The following CNBD1 variants were observed in gnomAD, a reference collection of about 807,000 sequenced individuals.
CNBD1 encodes the protein cyclic nucleotide binding domain containing 1.
CNBD1 carries 71 observed loss-of-function variants against 54.4 expected under a neutral mutation model. The ratio of observed to expected loss-of-function variants is 1.30; its 90% CI spans 1.08 to 1.59. The LOEUF (loss-of-function observed/expected upper bound fraction) is 1.59, where lower values mean the gene tolerates loss of function less well. CNBD1 is among the 40% of genes most tolerant of loss of function. CNBD1 has a pLI of 0.00. For missense variants in CNBD1, 659 were observed against 518.0 expected (o/e 1.27, Z -2.64); for synonymous variants, 182 against 170.7 (o/e 1.07, Z -0.51).
chr8:87,137,497 C>T (rs888596066), intron 4 of CNBD1, among the ~76,000 whole-genome samples: 6 of 151,890 alleles, frequency 4.0e-5, no homozygotes, highest in South Asian at 2.1e-4. Context: ...CCACCGCGGC[C>T]GGCCAGATTC....
intron 4 of CNBD1, among the ~76,000 whole-genome samples, chr8:87,158,600 G>T (rs781329679): frequency 6.6e-6 from 1 of 152,074 alleles, no homozygotes; most frequent in South Asian, 2.1e-4. Flanking sequence ...TAATTTTAAT[G>T]ATCTCATCAA....
intron 4 of CNBD1, among the ~76,000 whole-genome samples, chr8:87,185,833 T>C (rs917356231): frequency 6.6e-6 from 1 of 152,132 alleles, no homozygotes. Flanking sequence ...AATAATTTTC[T>C]CTGGGAACTC....
intron 8 of CNBD1, among the ~76,000 whole-genome samples, chr8:87,328,322 G>C (rs1269037611): frequency 3.3e-5 from 5 of 151,626 alleles, no homozygotes; most frequent in Admixed American, 1.3e-4. Context: ...ATTATGTTTA[G>C]TCTTTTAAAT....
chr8:87,156,979 C>G (rs1182300473), intron 4 of CNBD1, among the ~76,000 whole-genome samples: 2 of 152,048 alleles, frequency 1.3e-5, no homozygotes, highest in Non-Finnish European at 2.9e-5. Flanking sequence ...AAATTAGCAC[C>G]AATCAAAACT....
At chr8:87,412,848 G>T (rs992011961) in intron 2 of CNBD1, among the ~76,000 whole-genome samples, 7 of 152,050 alleles carry the variant, frequency 4.6e-5, no homozygotes, top group Non-Finnish European at 8.8e-5. Context: ...TTACATTCTT[G>T]TGAGGCTCTT....
intron 10 of CNBD1, among the ~76,000 whole-genome samples, chr8:87,354,814 C>T (rs2130930996): frequency 6.6e-6 from 1 of 152,226 alleles, no homozygotes; most frequent in Middle Eastern, 3.4e-3. Context: ...CACTGTTGGA[C>T]ATTTGGGTTG....
At chr8:87,011,020 T>C (rs1809209239) in intron 4 of CNBD1, among the ~76,000 whole-genome samples, 1 of 152,172 alleles carries the variant, frequency 6.6e-6, no homozygotes, top group African/African-American at 2.4e-5. Flanking sequence ...TTTAATTCTT[T>C]TCTGGCAGAG....
At chr8:87,304,759 T>C (rs933256986) in intron 8 of CNBD1, among the ~76,000 whole-genome samples, 9 of 152,072 alleles carry the variant, frequency 5.9e-5, no homozygotes, top group Non-Finnish European at 1.0e-4. Flanking sequence ...AAGGGACATA[T>C]CTTAATGTAA....
At chr8:86,971,023 CAATTAT>C (rs1264041244) in intron 4 of CNBD1, among the ~76,000 whole-genome samples, 1 of 152,110 alleles carries the variant, frequency 6.6e-6, no homozygotes, top group Non-Finnish European at 1.5e-5. Context: ...TTGGACATTT[CAATTAT>C]AATTATTAAT....
intron 2 of CNBD1, among the ~76,000 whole-genome samples, chr8:87,405,828 C>T (rs1807642459): frequency 6.6e-6 from 1 of 152,090 alleles, no homozygotes. Flanking sequence ...CTGAAACCAG[C>T]ACAGATTCTA....
chr8:87,422,929 T>A (rs1162740362), intron 2 of CNBD1, among the ~76,000 whole-genome samples: 1 of 151,988 alleles, frequency 6.6e-6, no homozygotes, highest in East Asian at 1.9e-4. Context: ...TTCCGTTTGT[T>A]TGTATCCTCT....
intron 4 of CNBD1, among the ~76,000 whole-genome samples, chr8:87,153,512 T>A (rs1025618158): frequency 1.3e-5 from 2 of 152,156 alleles, no homozygotes; most frequent in African/African-American, 4.8e-5. Flanking sequence ...ACCAAGGCAA[T>A]GCAGATCAGA....
intron 2 of CNBD1, among the ~76,000 whole-genome samples, chr8:87,388,532 A>T (rs530095842): frequency 1.3e-5 from 2 of 151,972 alleles, no homozygotes; most frequent in East Asian, 1.9e-4. Context: ...ACACATACAC[A>T]CTCCCAAGAC....
chr8:87,231,369 T>G (rs926897117), intron 5 of CNBD1, among the ~76,000 whole-genome samples: 1 of 152,064 alleles, frequency 6.6e-6, no homozygotes, highest in Non-Finnish European at 1.5e-5. Context: ...AAGAAAGAAT[T>G]CTATGTCAAA....
intron 4 of CNBD1, among the ~76,000 whole-genome samples, chr8:86,944,855 G>A (rs1807429293): frequency 6.6e-6 from 1 of 152,158 alleles, no homozygotes; most frequent in Non-Finnish European, 1.5e-5. Context: ...AATTTGTCTA[G>A]GTGAAAGATG....
At chr8:86,928,789 G>A (rs1809408662) in intron 3 of CNBD1, among the ~76,000 whole-genome samples, 1 of 152,222 alleles carries the variant, frequency 6.6e-6, no homozygotes, top group Non-Finnish European at 1.5e-5. Context: ...TTGACAACTT[G>A]TCAGATGGTC....
intron 4 of CNBD1, among the ~76,000 whole-genome samples, chr8:87,129,908 A>T (rs57039318): frequency 0.55 from 83,102 of 151,960 alleles, 23,931 homozygotes; most frequent in African/African-American, 0.74. Context: ...TGACCTACAG[A>T]TTCACGTGGC....
At position 87,136,729 on chromosome 8, in the gene CNBD1, T is replaced by C. The variant is rs1446612767; in HGVS notation, c.432-69264T>C. ...TTATATATTATATTTATAATATATA[T>C]AAATTATATATTATATTTATAATAT... On this transcript the variant is annotated intron_variant, in intron 4 of 10. Transcript: ENST00000518476. Among the ~76,000 whole-genome samples the C allele has an allele frequency of 1.5e-3, 29 of 19,566 alleles. 6 individuals carry two copies. The highest frequency in any genetic ancestry group is 4.0e-3 in the South Asian group (3 of 748). 12.8% of individuals were successfully genotyped at this position (19,566 alleles called of 152,430 possible). A position where few individuals can be genotyped will look rare whatever the true frequency, so the allele number is the denominator to read the frequency against.
chr8:87,068,487 G>A (rs1810699544), intron 4 of CNBD1, among the ~76,000 whole-genome samples: 1 of 151,878 alleles, frequency 6.6e-6, no homozygotes, highest in African/African-American at 2.4e-5. Flanking sequence ...GATTAAATAC[G>A]TCACCAGTAT....
Sources: allele counts gnomAD v4.1 joint callset (sites outside exome capture counted in the v4.1 genomes callset), GRCh38; gene constraint gnomAD v4.1.1; transcripts MANE v1.5; gene names NCBI Gene and HGNC (gene_info 2026-07-23, HGNC 2026-07-21).